The following NCKAP5 variants were observed in gnomAD, a reference collection of about 807,000 sequenced individuals.
NCKAP5 encodes NCK associated protein 5.
A neutral mutation model predicts 167.0 loss-of-function variants in NCKAP5; 92 were observed. That is an observed-to-expected ratio of 0.55 (90% CI 0.47 to 0.66). The LOEUF is 0.66. NCKAP5 is among the 30% of genes least tolerant of loss of function. The pLI is 0.00. For synonymous variants in NCKAP5, 891 were observed against 877.4 expected (o/e 1.02, Z -0.27); for missense variants, 2,378 against 2,315.0 (o/e 1.03, Z -0.56).
intron 3 of NCKAP5, among the ~76,000 whole-genome samples, chr2:133,403,353 A>T (rs2151028534): frequency 6.6e-6 from 1 of 152,378 alleles, no homozygotes; most frequent in Non-Finnish European, 1.5e-5. Context: ...AATTTACTTT[A>T]GCCAGCACCT....
chr2:133,467,386 T>C (rs1692683316), intron 3 of NCKAP5, among the ~76,000 whole-genome samples: 1 of 152,222 alleles, frequency 6.6e-6, no homozygotes, highest in Non-Finnish European at 1.5e-5. Context: ...GATAAGCTTT[T>C]TGATGTGCAG....
intron 3 of NCKAP5, among the ~76,000 whole-genome samples, chr2:133,331,043 T>C (rs182318942): frequency 1.3e-5 from 2 of 152,202 alleles, no homozygotes; most frequent in African/African-American, 4.8e-5. Flanking sequence ...AATGAGCAAA[T>C]ATGTGTGCAA....
intron 4 of NCKAP5, among the ~76,000 whole-genome samples, chr2:133,286,805 G>GA (rs5834352): frequency 0.25 from 37,968 of 151,644 alleles, 5,022 homozygotes; most frequent in Middle Eastern, 0.3. Flanking sequence ...TAAAGACTGC[G>GA]AAAAAAAACA....
At chr2:133,071,827 A>G (rs1344407111) in intron 6 of NCKAP5, among the ~76,000 whole-genome samples, 2 of 152,242 alleles carry the variant, frequency 1.3e-5, no homozygotes, top group Non-Finnish European at 2.9e-5. Flanking sequence ...GCCTACTGTA[A>G]TAAAGACAGA....
At chr2:133,377,675 A>G (rs1049471036) in intron 3 of NCKAP5, among the ~76,000 whole-genome samples, 1 of 152,228 alleles carries the variant, frequency 6.6e-6, no homozygotes, top group African/African-American at 2.4e-5. Context: ...TTGCCTGGAA[A>G]TAATGCAGAG....
At chr2:133,582,381 G>A in the NCKAP5 span, among the ~76,000 whole-genome samples, 2 of 152,206 alleles carry the variant, frequency 1.3e-5, no homozygotes. Context: ...CAGACTGGGG[G>A]AGTGTGAGGA....
chr2:133,396,005 TTTTC>T (rs1687709318), intron 3 of NCKAP5, among the ~76,000 whole-genome samples: 1 of 152,072 alleles, frequency 6.6e-6, no homozygotes, highest in Non-Finnish European at 1.5e-5. Flanking sequence ...CTCCTTCACA[TTTTC>T]TTTCTCTTTC....
chr2:133,517,924 C>T (rs2104753608), intron 2 of NCKAP5, among the ~76,000 whole-genome samples: 1 of 152,288 alleles, frequency 6.6e-6, no homozygotes, highest in East Asian at 1.9e-4. Context: ...AATTCTGTTA[C>T]TGTGCACATA....
intron 3 of NCKAP5, among the ~76,000 whole-genome samples, chr2:133,334,450 G>C (rs755151808): frequency 6.6e-6 from 1 of 152,054 alleles, no homozygotes; most frequent in African/African-American, 2.4e-5. Context: ...CCAGCAAATA[G>C]ATATTATCAC....
intron 3 of NCKAP5, among the ~76,000 whole-genome samples, chr2:133,328,550 C>T (rs1482154519): frequency 6.6e-6 from 1 of 152,168 alleles, no homozygotes; most frequent in Non-Finnish European, 1.5e-5. Context: ...GTCTCCACTG[C>T]CTGGGCAGTC....
intron 4 of NCKAP5, among the ~76,000 whole-genome samples, chr2:133,219,177 G>A (rs151320316): frequency 6.6e-6 from 1 of 152,298 alleles, no homozygotes; most frequent in East Asian, 1.9e-4. Context: ...CAGCCACGTG[G>A]AAACAGGTGA....
chr2:132,776,151 A>G (rs1682527488), intron 15 of NCKAP5, among the ~76,000 whole-genome samples: 1 of 152,244 alleles, frequency 6.6e-6, no homozygotes, highest in African/African-American at 2.4e-5. Flanking sequence ...GTCCTGTTAC[A>G]GCTATCCTTT....
Position 132,782,784 on chromosome 2 carries a change from C to A in NCKAP5, c.4027G>T (p.Gly1343Trp). The change falls in exon 14 of 20, where the codon GGG becomes TGG. Residue 1343 changes from glycine to tryptophan, a missense_variant. Physicochemically the swap from Gly to Trp is radical, Grantham distance 184. Around this residue, in one of 3 missense-constraint regions of NCKAP5, gnomAD observed 1,325 missense variants for 1,274.5 expected, o/e 1.04. Coordinates refer to ENST00000409261, the MANE Select transcript of NCKAP5 (RefSeq NM_207363.3). ...ESLPSVGRPSGHPSSGKGSLG... is the reference protein window; with the variant it reads ...ESLPSVGRPSWHPSSGKGSLG... ...GAGCCCTTCCCGGAGGAGGGGTGCC[C>A]CGAGGGCCTCCCAACACTGGGGAGA... is the stretch of plus-strand genomic sequence containing the variant. The A allele has an allele frequency of 6.2e-7, 1 of 1,613,848 alleles. No individual in the cohort carries two copies. The highest frequency in any genetic ancestry group is 1.7e-4 in the Middle Eastern group (1 of 6,058).
At chr2:132,810,113 C>T (rs1685745658) in intron 11 of NCKAP5, among the ~76,000 whole-genome samples, 1 of 152,176 alleles carries the variant, frequency 6.6e-6, no homozygotes, top group South Asian at 2.1e-4. Context: ...AGATAGGGCC[C>T]CAATCCCTTC....
At chr2:133,448,535 A>G (rs1293006803) in intron 3 of NCKAP5, among the ~76,000 whole-genome samples, 1 of 152,232 alleles carries the variant, frequency 6.6e-6, no homozygotes. Flanking sequence ...ATTTCCCCAA[A>G]TGCTGCAAAT....
At chr2:133,618,671 A>T in the NCKAP5 span, among the ~76,000 whole-genome samples, 2 of 152,150 alleles carry the variant, frequency 1.3e-5, no homozygotes, top group East Asian at 3.9e-4. Context: ...GCTAGAGAGG[A>T]TGTGGAAAAA....
At chr2:133,377,099 C>T (rs2150933797) in intron 3 of NCKAP5, among the ~76,000 whole-genome samples, 1 of 152,194 alleles carries the variant, frequency 6.6e-6, no homozygotes, top group East Asian at 1.9e-4. Flanking sequence ...AGTGTCTTGT[C>T]TGGTTTTTCT....
chr2:133,668,056 T>C, the NCKAP5 span, among the ~76,000 whole-genome samples: 1 of 152,098 alleles, frequency 6.6e-6, no homozygotes, highest in Non-Finnish European at 1.5e-5. Flanking sequence ...CATTTGGCTT[T>C]TTAAACTTAA....
At position 132,920,771 on chromosome 2, in the gene NCKAP5, G is replaced by GTATGTATGTATGTGTATATATATATA. The variant is rs1553479343; in HGVS notation, c.580-41856_580-41855insTATATATATATACACATACATACATA. 3.2e-4 allele frequency among the ~76,000 whole-genome samples: 10 copies of GTATGTATGTATGTGTATATATATATA among 31,582 alleles called. 1 individual carries two copies. Among genetic ancestry groups the GTATGTATGTATGTGTATATATATATA allele is most frequent in the African/African-American group, 1.1e-3 (10 of 9,068 alleles). 20.7% of individuals were successfully genotyped at this position (31,582 alleles called of 152,430 possible). On this transcript the variant is annotated intron_variant, in intron 8 of 19. Coordinates refer to ENST00000409261, the MANE Select transcript of NCKAP5 (RefSeq NM_207363.3). Reference sequence around the variant, plus strand: ...TATATATATATGTATATATATGTATGTATATATATATATATATATATATAT... The same window carrying GTATGTATGTATGTGTATATATATATA: ...TATATATATATGTATATATATGTATGTATGTATGTATGTGTATATATATATATATATATATATATATATATATATAT...
Sources: allele counts gnomAD v4.1 joint callset (sites outside exome capture counted in the v4.1 genomes callset), GRCh38; gene constraint gnomAD v4.1.1; regional missense constraint gnomAD v4.1.1; transcripts MANE v1.5; gene names NCBI Gene and HGNC (gene_info 2026-07-23, HGNC 2026-07-21).